The following BABAM2 variants were observed in gnomAD, a reference collection of about 807,000 sequenced individuals.
BABAM2 encodes BRISC and BRCA1-A complex member 2.
A neutral mutation model predicts 54.7 loss-of-function variants in BABAM2; 31 were observed. The observed-to-expected ratio is 0.57, with a 90% CI of 0.43 to 0.77. BABAM2 has a LOEUF of 0.77. Ranked by LOEUF, BABAM2 falls within the 30% of genes least tolerant of loss-of-function variation. The probability of loss-of-function intolerance (pLI) is 0.00; values close to 1 mark genes in which losing one functional copy is unlikely to be tolerated. For missense variants in BABAM2, 364 were observed against 455.8 expected (o/e 0.80, Z 1.83); for synonymous variants, 167 against 162.9 (o/e 1.03, Z -0.19).
chr2:27,928,520 G>A (rs1177347092), intron 2 of BABAM2, among the ~76,000 whole-genome samples: 2 of 152,176 alleles, frequency 1.3e-5, no homozygotes. Context: ...CGTGGGGTCT[G>A]AGTTACTTAA....
Position 28,179,348 on chromosome 2 carries a change from C to T in BABAM2, c.680+49968C>T, listed in dbSNP as rs35801772. 1.6e-3 allele frequency among the ~76,000 whole-genome samples: 245 copies of T among 152,164 alleles called. 3 individuals carry two copies. The South Asian group carries it at 0.023, about 14-fold the overall frequency. ...TTCAACATACACAAATCAAAAGATACGATATAGCCATCATCAGAGTGAAGG... is the reference window on the plus strand; with the variant it reads ...TTCAACATACACAAATCAAAAGATATGATATAGCCATCATCAGAGTGAAGG... On this transcript the variant is annotated intron_variant, in intron 7 of 11. Transcript: ENST00000379624.
In BABAM2 at chr2:28,219,672, C is replaced by T. The variant is rs201580619; in HGVS notation, c.681-17530C>T. ...CTGTTTAATCAGAAAAAAAAAAAAC[C>T]GGGTAGAGGATTACAAGCAAAGAAG... On this transcript the variant is annotated intron_variant, in intron 7 of 11. Coordinates refer to ENST00000379624, the MANE Select transcript of BABAM2 (RefSeq NM_199191.3). Among the ~76,000 whole-genome samples the T allele has an allele frequency of 3.8e-4, 58 of 151,378 alleles. No individual in the cohort carries two copies. The East Asian group carries it at 7.9e-3, about 21-fold the overall frequency.
chr2:28,008,544 A>G (rs1674136881), intron 4 of BABAM2, among the ~76,000 whole-genome samples: 1 of 152,212 alleles, frequency 6.6e-6, no homozygotes, highest in Non-Finnish European at 1.5e-5. Context: ...GGTCAAAGAA[A>G]GCATGTCTGC....
At chr2:28,026,128 T>C (rs909574252) in intron 5 of BABAM2, among the ~76,000 whole-genome samples, 2 of 152,114 alleles carry the variant, frequency 1.3e-5, no homozygotes, top group African/African-American at 4.8e-5. Context: ...TTTTACACTG[T>C]TGGTGGGAGT....
At chr2:27,905,267 A>T (rs929330894) in intron 2 of BABAM2, among the ~76,000 whole-genome samples, 2 of 152,064 alleles carry the variant, frequency 1.3e-5, no homozygotes, top group Admixed American at 6.6e-5. Flanking sequence ...GTCAGATTGG[A>T]TAGGGGTTGG....
chr2:27,998,260 C>T (rs1673318484), intron 4 of BABAM2, among the ~76,000 whole-genome samples: 2 of 152,050 alleles, frequency 1.3e-5, no homozygotes, highest in Admixed American at 1.3e-4. Flanking sequence ...GTCGCCTCCT[C>T]TTCTCTCCAT....
intron 11 of BABAM2, among the ~76,000 whole-genome samples, chr2:28,324,566 G>A (rs1314750332): frequency 6.6e-6 from 1 of 151,774 alleles, no homozygotes; most frequent in Non-Finnish European, 1.5e-5. Context: ...TTGAGCTCAG[G>A]AGTTTGAGAC....
intron 5 of BABAM2, among the ~76,000 whole-genome samples, chr2:28,036,141 C>T (rs954068982): frequency 6.6e-5 from 10 of 152,134 alleles, no homozygotes; most frequent in Admixed American, 5.2e-4. Context: ...ATGTAGGGTG[C>T]ACTCCTTGCA....
chr2:28,119,340 C>T (rs1573619100), intron 6 of BABAM2, among the ~76,000 whole-genome samples: 1 of 152,292 alleles, frequency 6.6e-6, no homozygotes, highest in East Asian at 1.9e-4. Context: ...AGCCAGGAAG[C>T]ATCATTTGCT....
intron 10 of BABAM2, among the ~76,000 whole-genome samples, chr2:28,257,090 A>C (rs1684042908): frequency 6.6e-6 from 1 of 152,202 alleles, no homozygotes; most frequent in Non-Finnish European, 1.5e-5. Flanking sequence ...AATAACAGAA[A>C]ATAATGCCCT....
intron 8 of BABAM2, among the ~76,000 whole-genome samples, chr2:28,237,666 T>A (rs1682036143): frequency 6.6e-6 from 1 of 152,222 alleles, no homozygotes; most frequent in African/African-American, 2.4e-5. Flanking sequence ...ATCCAGTGCA[T>A]GCACACGTGT....
chr2:27,901,008 A>C (rs1326203185), intron 2 of BABAM2, among the ~76,000 whole-genome samples: 1 of 143,042 alleles, frequency 7.0e-6, no homozygotes, highest in Non-Finnish European at 1.5e-5. Flanking sequence ...GCACCACTGC[A>C]CTCCAGCCTG....
intron 7 of BABAM2, 56 bp downstream of exon 7, chr2:28,129,436 T>G: frequency 1.4e-6 from 2 of 1,406,658 alleles, no homozygotes; most frequent in Non-Finnish European, 2.0e-6. Context: ...CCAATATGTC[T>G]CATTCTTTCT....
chr2:28,275,009 G>C (rs1187051359), intron 10 of BABAM2, among the ~76,000 whole-genome samples: 2 of 152,208 alleles, frequency 1.3e-5, no homozygotes, highest in Non-Finnish European at 2.9e-5. Context: ...GACGACTCCA[G>C]CTGACCTACT....
At chr2:28,219,425 G>A (rs184100917) in intron 7 of BABAM2, among the ~76,000 whole-genome samples, 3 of 152,222 alleles carry the variant, frequency 2.0e-5, no homozygotes, top group Admixed American at 6.5e-5. Flanking sequence ...TTAAGGACTC[G>A]TGTGTCTAGA....
At chr2:28,002,985 C>CTA (rs1673683555) in intron 4 of BABAM2, among the ~76,000 whole-genome samples, 1 of 152,016 alleles carries the variant, frequency 6.6e-6, no homozygotes, top group Non-Finnish European at 1.5e-5. Flanking sequence ...GAGCCAGTAG[C>CTA]TAAAGAGGGT....
intron 3 of BABAM2, among the ~76,000 whole-genome samples, chr2:27,942,955 C>T (rs997720363): frequency 6.7e-6 from 1 of 150,308 alleles, no homozygotes; most frequent in Admixed American, 6.6e-5. Context: ...AGGTGTGCAT[C>T]ACCATTTTTT....
intron 4 of BABAM2, among the ~76,000 whole-genome samples, chr2:27,989,599 G>C (rs1672641613): frequency 1.3e-5 from 2 of 152,156 alleles, no homozygotes; most frequent in Admixed American, 6.6e-5. Context: ...TGAATGCTGG[G>C]CTAGGAGCCA....
intron 11 of BABAM2, chr2:28,327,481 G>C (rs1690575213): frequency 6.6e-7 from 1 of 1,522,060 alleles, no homozygotes; most frequent in African/African-American, 1.4e-5. Context: ...GATTTAGCAG[G>C]AACCAGAATT....
Sources: gnomAD v4.1 joint callset for allele counts (sites outside exome capture counted in the v4.1 genomes callset) on GRCh38, gnomAD v4.1.1 for gene constraint, MANE v1.5 for transcripts, NCBI Gene and HGNC (gene_info 2026-07-23, HGNC 2026-07-21) for gene names.